The following POC1B variants were observed in gnomAD, a reference collection of about 807,000 sequenced individuals.
POC1B encodes POC1 centriolar protein homolog B.
A neutral mutation model predicts 60.6 loss-of-function variants in POC1B; 44 were observed. The observed-to-expected ratio is 0.73, with a 90% confidence interval of 0.57 to 0.93. The LOEUF (loss-of-function observed/expected upper bound fraction) is 0.93. Among genes scored for constraint, POC1B ranks in the 40% least tolerant of loss-of-function variants. POC1B has a pLI of 0.00. For synonymous variants in POC1B, 180 were observed against 198.9 expected (o/e 0.90, Z 0.80); for missense variants, 555 against 572.3 (o/e 0.97, Z 0.31).
chr12:89,469,348 C>T lies in POC1B; in HGVS notation c.810+1013G>A, dbSNP rs74721714. ...GCTCAATAAAAGGCACCCCTCTTAC[C>T]TACTTGGTTCTAAACCAATTGAGAA... On this transcript the variant is annotated intron_variant, in intron 7 of 11. Coordinates refer to ENST00000313546, the MANE Select transcript of POC1B (RefSeq NM_172240.3). Among the ~76,000 whole-genome samples the T allele has an allele frequency of 6.8e-3, 1,030 of 152,284 alleles. 12 individuals are homozygous for T. Among genetic ancestry groups the T allele is most frequent in the African/African-American group, 0.024 (995 of 41,558 alleles).
At chr12:89,412,720 T>C in the POC1B span, among the ~76,000 whole-genome samples, 13 of 151,354 alleles carry the variant, frequency 8.6e-5, no homozygotes, top group African/African-American at 2.9e-4. Context: ...CATTCTGAAA[T>C]AAATACTTAA....
At chr12:89,511,716 T>A (rs189127723) in intron 2 of POC1B, among the ~76,000 whole-genome samples, 2 of 152,084 alleles carry the variant, frequency 1.3e-5, no homozygotes, top group African/African-American at 4.8e-5. Context: ...TTTCTAAATA[T>A]TTTTAAGAAA....
chr12:89,428,313 C>A (rs1424568934), intron 10 of POC1B: 1 of 152,268 alleles, frequency 6.6e-6, no homozygotes, highest in Non-Finnish European at 1.5e-5. Context: ...TTAACTGTCC[C>A]ATCTTCAGAA....
At chr12:89,524,265 T>C (rs781739470) in intron 2 of POC1B, 43 of 1,613,936 alleles carry the variant, frequency 2.7e-5, no homozygotes, top group Non-Finnish European at 3.6e-5. Flanking sequence ...TCTCAATGAG[T>C]TCTTCTTGCT....
rs531733278 is a variant in POC1B at position 89,487,171 on chromosome 12, T to C, written c.452+4765A>G. On this transcript the variant is annotated intron_variant, in intron 4 of 11. Coordinates refer to ENST00000313546, the MANE Select transcript of POC1B (RefSeq NM_172240.3). ...CCATGGTTCCAACAAGACTCACTCC[T>C]CCAGGAGGGGATGCTATGTTTCCGT... is the stretch of plus-strand genomic sequence containing the variant. Among the ~76,000 whole-genome samples, 32 of 152,226 alleles carry C rather than the reference T, an allele frequency of 2.1e-4. No homozygotes were observed. The South Asian group carries it at 2.7e-3, about 13-fold the overall frequency.
intron 2 of POC1B, among the ~76,000 whole-genome samples, chr12:89,512,300 G>T (rs1017694110): frequency 1.3e-5 from 2 of 152,236 alleles, no homozygotes; most frequent in South Asian, 4.1e-4. Flanking sequence ...GTATAAGCTG[G>T]GTCTAAAGGA....
At chr12:89,440,127 G>A (rs557198473) in intron 10 of POC1B, among the ~76,000 whole-genome samples, 10 of 152,278 alleles carry the variant, frequency 6.6e-5, no homozygotes, top group Middle Eastern at 3.4e-3. Context: ...TCCATTGAAC[G>A]TGACTTAAGC....
At chr12:89,514,462 A>ACAGCGGCATGATCTCGGCTCATTG (rs1195575689) in intron 2 of POC1B, among the ~76,000 whole-genome samples, 1 of 119,642 alleles carries the variant, frequency 8.4e-6, no homozygotes, top group African/African-American at 3.2e-5. Flanking sequence ...AGGCTGGAGT[A>ACAGCGGCATGATCTCGGCTCATTG]CAGCGGCATG....
chr12:89,489,591 G>C (rs1868841244), intron 4 of POC1B, among the ~76,000 whole-genome samples: 2 of 152,154 alleles, frequency 1.3e-5, no homozygotes, highest in African/African-American at 4.8e-5. Context: ...GTCCCACAGA[G>C]ACCATAACGA....
intron 2 of POC1B, among the ~76,000 whole-genome samples, chr12:89,516,058 A>C (rs17366704): frequency 0.084 from 12,758 of 152,174 alleles, 744 homozygotes; most frequent in Middle Eastern, 0.16. Context: ...TTGATAACTA[A>C]GTTCACATGG....
chr12:89,501,232 G>A (rs964662225), intron 2 of POC1B: 5 of 1,340,906 alleles, frequency 3.7e-6, no homozygotes, highest in Non-Finnish European at 5.4e-6. Context: ...TCAGCCCTCT[G>A]ATAAAACAGT....
At chr12:89,468,186 A>T (rs1253587524) in intron 7 of POC1B, among the ~76,000 whole-genome samples, 1 of 152,230 alleles carries the variant, frequency 6.6e-6, no homozygotes, top group Non-Finnish European at 1.5e-5. Context: ...GAGAGCTGTG[A>T]ATGATTAAAA....
Position 89,525,158 on chromosome 12 carries a change from A to G in POC1B, c.62T>C (p.Ile21Thr), listed in dbSNP as rs1343763193. 1.2e-6 allele frequency: 2 copies of G among 1,613,986 alleles called. No individual in the cohort carries two copies. Among genetic ancestry groups the G allele is most frequent in the Non-Finnish European group, 1.7e-6 (2 of 1,179,890 alleles). ...ERYFKGHKAAITSLDLSPNGK... is the reference protein window; with the variant it reads ...ERYFKGHKAATTSLDLSPNGK... ...GTTGGGGCTGAGGTCCAAGGAGGTG[A>G]TCGCAGCTTTGTGGCCTTTGAAATA... Residue 21 changes from isoleucine (I) to threonine (T), a missense_variant, in exon 2 of 12, where the codon ATC (isoleucine) becomes ACC (threonine). Coordinates refer to ENST00000313546, the MANE Select transcript of POC1B (RefSeq NM_172240.3).
chr12:89,522,073 C>G (rs1870930501), intron 2 of POC1B: 1 of 399,006 alleles, frequency 2.5e-6, no homozygotes, highest in Non-Finnish European at 4.4e-6. Flanking sequence ...AACACGTTCA[C>G]AGAGAAGACA....
intron 4 of POC1B, among the ~76,000 whole-genome samples, chr12:89,483,233 C>T (rs1040049588): frequency 5.3e-5 from 8 of 152,122 alleles, no homozygotes; most frequent in Admixed American, 1.3e-4. Flanking sequence ...TGAGTTCTCA[C>T]GATATTCGAT....
chr12:89,430,929 T>A (rs1406162842), intron 10 of POC1B, among the ~76,000 whole-genome samples: 7 of 152,050 alleles, frequency 4.6e-5, no homozygotes. Flanking sequence ...CCCCCCAAAG[T>A]TAAACTAATG....
rs1869012848 is a variant in POC1B at position 89,492,113 on chromosome 12, C to G, written c.275G>C (p.Arg92Thr). 1 of 1,544,172 alleles carries G rather than the reference C, an allele frequency of 6.5e-7. No homozygotes were observed. Among genetic ancestry groups the G allele is most frequent in the Non-Finnish European group, 8.7e-7 (1 of 1,149,826 alleles). ...AGCTTTAAATTCTGAGAATTTTCCTCTCCTGGAAATAAACAGTTTAATATT... is the reference window on the plus strand; with the variant it reads ...AGCTTTAAATTCTGAGAATTTTCCTGTCCTGGAAATAAACAGTTTAATATT... Reference protein sequence around the residue: ...RTVRLWIPDKRGKFSEFKAHT... With the variant: ...RTVRLWIPDKTGKFSEFKAHT... The change falls in exon 4 of 12, where the codon AGA becomes ACA. Residue 92 changes from arginine to threonine, a missense_variant and splice_region_variant. Transcript: ENST00000313546.
chr12:89,470,372 G>A lies in POC1B; in HGVS notation c.799C>T (p.Gln267Ter), dbSNP rs139904289. ...LLEGRLIYTL[Q>*]GHTGPVFTVS... The stretch of plus-strand genomic sequence containing the variant: ...CTGAGTGTTAATACCGTATGTCCTT[G>A]AAGTGTATAGATGAGCCTTCCTTCT... The change falls in exon 7 of 12, where the codon CAA becomes TAA. Residue 267 changes from glutamine to a stop codon, truncating the protein, a stop_gained. Coordinates refer to ENST00000313546, the MANE Select transcript of POC1B (RefSeq NM_172240.3). LOFTEE classifies it high-confidence loss of function. The A allele has an allele frequency of 1.3e-5, 20 of 1,540,264 alleles. No homozygotes were observed. The highest frequency in any genetic ancestry group is 4.5e-5 in the East Asian group (2 of 44,460).
intron 6 of POC1B, 98 bp from the exon 7 acceptor site, chr12:89,470,592 C>T: frequency 2.0e-6 from 2 of 1,022,730 alleles, no homozygotes; most frequent in African/African-American, 1.6e-5. Flanking sequence ...AACAAGAGCA[C>T]TGTTTCCACA....
Sources: allele counts gnomAD v4.1 joint callset (sites outside exome capture counted in the v4.1 genomes callset), GRCh38; gene constraint gnomAD v4.1.1; transcripts MANE v1.5; gene names NCBI Gene and HGNC (gene_info 2026-07-23, HGNC 2026-07-21).